Variants in RAPGEF5 observed in about 807,000 individuals in gnomAD.
RAPGEF5 encodes Rap guanine nucleotide exchange factor 5.
In RAPGEF5, 65 loss-of-function variants were observed where a neutral mutation model predicts 125.2. The observed-to-expected ratio is 0.52, with a 90% CI of 0.43 to 0.64. The LOEUF is 0.64. RAPGEF5 is among the 30% of genes least tolerant of loss of function. RAPGEF5 has a pLI of 0.00. For missense variants in RAPGEF5, 958 were observed against 1,048.1 expected, an observed-to-expected ratio of 0.91 and a Z score of 1.19; for synonymous variants, 391 against 385.9, an observed-to-expected ratio of 1.01 and a Z score of -0.16.
intron 7 of RAPGEF5, among the ~76,000 whole-genome samples, chr7:22,244,139 A>G (rs2128136770): frequency 6.6e-6 from 1 of 152,184 alleles, no homozygotes; most frequent in African/African-American, 2.4e-5. Flanking sequence ...CTTCTTTTTC[A>G]AGACTGAATA....
intron 7 of RAPGEF5, among the ~76,000 whole-genome samples, chr7:22,242,891 G>A (rs1289923927): frequency 6.2e-5 from 9 of 145,944 alleles, no homozygotes; most frequent in African/African-American, 2.3e-4. Flanking sequence ...AGGTTGCGGT[G>A]AGCCAAGATC....
chr7:22,206,528 C>T (rs1339247069), intron 9 of RAPGEF5, among the ~76,000 whole-genome samples: 3 of 151,826 alleles, frequency 2.0e-5, no homozygotes, highest in African/African-American at 7.3e-5. Flanking sequence ...ATAGTGAGGC[C>T]TTGTCTCTAC....
In RAPGEF5 at chr7:22,267,026, A is replaced by AG. The variant is rs1466412597; in HGVS notation, c.748-15dup. 5.0e-6 allele frequency: 8 copies of AG among 1,600,202 alleles called. No homozygotes were observed. The Admixed American group carries it at 6.7e-5, about 13-fold the overall frequency. ...CTCTCTCTGCACCTAATAAAATATT[A>AG]GGGGGGAAAATCAAATTAGAAGAAG... On this transcript the variant is annotated splice_polypyrimidine_tract_variant and intron_variant, in intron 6 of 25. Transcript: ENST00000665637.
intron 7 of RAPGEF5, among the ~76,000 whole-genome samples, chr7:22,243,817 T>C (rs1279768182): frequency 6.6e-6 from 1 of 152,206 alleles, no homozygotes; most frequent in Non-Finnish European, 1.5e-5. Context: ...AATTTTGAAA[T>C]AGATACTACA....
chr7:22,273,230 T>TC (rs1282917474), intron 6 of RAPGEF5, among the ~76,000 whole-genome samples: 1 of 145,174 alleles, frequency 6.9e-6, no homozygotes, highest in Non-Finnish European at 1.5e-5. Flanking sequence ...TTTTTTTTTT[T>TC]TTTTTTGAGA....
At chr7:22,233,546 T>G (rs1017207084) in intron 7 of RAPGEF5, among the ~76,000 whole-genome samples, 6 of 152,144 alleles carry the variant, frequency 3.9e-5, no homozygotes, top group Non-Finnish European at 1.5e-5. Flanking sequence ...TAACACACTT[T>G]TTTAGAGGCA....
intron 19 of RAPGEF5, among the ~76,000 whole-genome samples, chr7:22,146,163 G>A (rs1001226546): frequency 2.0e-5 from 3 of 152,164 alleles, no homozygotes; most frequent in African/African-American, 7.2e-5. Flanking sequence ...GAGGACATTT[G>A]GGTCTCTAAA....
Position 22,255,616 on chromosome 7 carries a change from A to C in RAPGEF5, c.796+11348T>G, listed in dbSNP as rs528342517. Among the ~76,000 whole-genome samples, 157 of 151,518 alleles carry C rather than the reference A, an allele frequency of 1.0e-3. 1 individual carries two copies. Among genetic ancestry groups the C allele is most frequent in the Middle Eastern group, 3.4e-3 (1 of 294 alleles). Reference sequence around the variant, plus strand: ...AACAAAACCAAAACCAAAACCAAAAACACAATAGGCTAAACCATTTTATAC... The same window carrying C: ...AACAAAACCAAAACCAAAACCAAAACCACAATAGGCTAAACCATTTTATAC... On this transcript the variant is annotated intron_variant, in intron 7 of 25. Transcript: ENST00000665637.
chr7:22,311,419 A>G (rs888619168), intron 3 of RAPGEF5, among the ~76,000 whole-genome samples: 2 of 152,198 alleles, frequency 1.3e-5, no homozygotes, highest in Non-Finnish European at 2.9e-5. Flanking sequence ...GTAGAAAAAT[A>G]TTGCCTATTT....
intron 15 of RAPGEF5, among the ~76,000 whole-genome samples, chr7:22,157,122 A>G (rs962739636): frequency 2.2e-4 from 33 of 152,214 alleles, no homozygotes; most frequent in Admixed American, 1.8e-3. Flanking sequence ...AAAAGCCCCT[A>G]TATTTATTCC....
chr7:22,153,785 T>A lies in RAPGEF5; in HGVS notation c.1786+670A>T, dbSNP rs562968424. The stretch of plus-strand genomic sequence containing the variant: ...GGGTTAAGGAGATATTAAATAAAGA[T>A]TGCAAACCAAAAAAGGAGGCCAGCA... On this transcript the variant is annotated intron_variant, in intron 17 of 25. Transcript: ENST00000665637. Among the ~76,000 whole-genome samples the A allele has an allele frequency of 5.4e-4, 82 of 152,274 alleles. 1 individual carries two copies. The highest frequency in any genetic ancestry group is 6.8e-3 in the Middle Eastern group (2 of 294).
intron 7 of RAPGEF5, among the ~76,000 whole-genome samples, chr7:22,242,962 A>G (rs376133925): frequency 9.1e-4 from 136 of 149,628 alleles, no homozygotes; most frequent in African/African-American, 2.3e-3. Context: ...AAAAAAAAAA[A>G]AAAGAAAGAA....
intron 1 of RAPGEF5, 83 bp downstream of exon 1, chr7:22,356,747 G>GC: frequency 4.2e-6 from 3 of 715,358 alleles, no homozygotes; most frequent in Non-Finnish European, 3.5e-6. Context: ...ACTTCCAGAC[G>GC]CCCCCCTCAG....
rs1468244904 is a variant in RAPGEF5, at chr7:22,267,012, C to T, written c.748G>A (p.Val250Met). Residue 250 changes from valine (V) to methionine (M), a missense_variant and splice_region_variant, in exon 7 of 26, where the codon GTG becomes ATG. Physicochemically the swap from Val to Met is conservative, Grantham distance 21. Transcript: ENST00000665637. ...ATAACAGCTGCTAGCTCTCTCTGCA[C>T]CTAATAAAATATTAGGGGGGAAAAT... is the stretch of plus-strand genomic sequence containing the variant. Reference protein sequence around the residue: ...DEILVRLTSAVQRELAAVIAL... With the variant: ...DEILVRLTSAMQRELAAVIAL... 2 of 1,607,024 alleles carry T rather than the reference C, an allele frequency of 1.2e-6. No individual in the cohort carries two copies. The highest frequency in any genetic ancestry group is 1.7e-6 in the Non-Finnish European group (2 of 1,174,968).
chr7:22,193,776 C>A (rs978540425), intron 10 of RAPGEF5, 139 bp downstream of exon 10: 1 of 1,588,356 alleles, frequency 6.3e-7, no homozygotes, highest in Non-Finnish European at 8.6e-7. Flanking sequence ...TCAGCTAGAA[C>A]GCTGGAGAGG....
chr7:22,126,611 A>T (rs1233525380), intron 24 of RAPGEF5, among the ~76,000 whole-genome samples: 6 of 152,088 alleles, frequency 3.9e-5, no homozygotes, highest in Non-Finnish European at 8.8e-5. Flanking sequence ...TAAAACATTA[A>T]CATCATTTTT....
At chr7:22,169,878 A>AAAAAAAAAAAAAAAAAAAAAAC in intron 11 of RAPGEF5, among the ~76,000 whole-genome samples, 1 of 146,302 alleles carries the variant, frequency 6.8e-6, no homozygotes, top group African/African-American at 2.5e-5. Flanking sequence ...AAAAAAAAAA[A>AAAAAAAAAAAAAAAAAAAAAAC]AAAGCTGAAT....
intron 9 of RAPGEF5, among the ~76,000 whole-genome samples, chr7:22,215,910 T>C (rs1785626585): frequency 6.6e-6 from 1 of 152,200 alleles, no homozygotes. Context: ...TGAAGCAAAC[T>C]GCAGGCAAAC....
At chr7:22,170,824 G>A (rs1484736255) in intron 11 of RAPGEF5, among the ~76,000 whole-genome samples, 2 of 152,084 alleles carry the variant, frequency 1.3e-5, no homozygotes, top group African/African-American at 4.8e-5. Flanking sequence ...ATCTGTCATA[G>A]AAATATTAAT....
Sources: gnomAD v4.1 joint callset for allele counts (sites outside exome capture counted in the v4.1 genomes callset) on GRCh38, gnomAD v4.1.1 for gene constraint, MANE v1.5 for transcripts, NCBI Gene and HGNC (gene_info 2026-07-23, HGNC 2026-07-21) for gene names.